The following ABCC9 variants were observed in gnomAD, a reference collection of about 807,000 sequenced individuals.
ABCC9 encodes ATP-binding cassette sub-family C member 9.
ABCC9 carries 95 observed loss-of-function variants against 188.3 expected under a neutral mutation model. The observed-to-expected ratio is 0.50, with a 90% CI of 0.43 to 0.60. The LOEUF is 0.60. Ranked by LOEUF, ABCC9 falls within the 20% of genes least tolerant of loss-of-function variation. ABCC9 has a pLI of 0.00. For synonymous variants in ABCC9, 659 were observed against 652.7 expected (o/e 1.01, Z -0.15); for missense variants, 1,102 against 1,876.3 (o/e 0.59, Z 7.62).
intron 12 of ABCC9, among the ~76,000 whole-genome samples, chr12:21,896,137 G>A (rs1241977316): frequency 7.3e-6 from 1 of 137,328 alleles, no homozygotes; most frequent in African/African-American, 2.7e-5. Context: ...AAGTTTTAGG[G>A]TACATGTGCA....
chr12:21,828,201 T>C (rs1348469470), intron 31 of ABCC9, among the ~76,000 whole-genome samples: 2 of 152,204 alleles, frequency 1.3e-5, no homozygotes, highest in Non-Finnish European at 2.9e-5. Context: ...GACTACAAAC[T>C]ATATTCCTTG....
rs758281526 is a variant in ABCC9 at position 21,913,094 on chromosome 12, C to CA, written c.817-29dup. On this transcript the variant is annotated intron_variant, in intron 7 of 39. Transcript: ENST00000261200. ...GAAGAAAAAAAAAAGAAAAAAAAAA[C>CA]AGATGTAACAAAATAAAACTGCTTA... The CA allele has an allele frequency of 4.6e-6, 7 of 1,531,366 alleles. No individual in the cohort carries two copies. The South Asian group carries it at 8.3e-5, about 18-fold the overall frequency. 94.9% of individuals were successfully genotyped at this position (1,531,366 alleles called of 1,614,324 possible). A position where few individuals can be genotyped will look rare whatever the true frequency, so the allele number is the denominator to read the frequency against.
At chr12:21,853,610 A>G (rs1342682480) in intron 22 of ABCC9, among the ~76,000 whole-genome samples, 1 of 152,174 alleles carries the variant, frequency 6.6e-6, no homozygotes, top group Non-Finnish European at 1.5e-5. Context: ...TGTTGATGAT[A>G]TCACTATAAA....
Position 21,910,870 on chromosome 12 carries a change from A to C in ABCC9, c.1120T>G (p.Tyr374Asp). The change falls in exon 9 of 40, where the codon TAT becomes GAT. Residue 374 changes from tyrosine (Y) to aspartate (D), a missense_variant. Tyr to Asp is a radical substitution (Grantham distance 160). Around this residue, in one of 12 missense-constraint regions of ABCC9, gnomAD observed 305 missense variants for 573.0 expected, o/e 0.53. Transcript: ENST00000261200. ...LQRTFLQASY[Y>D]VTIETGINLR... ...TTAATGCCAGTCTCTATGGTTACATAGTAGGAAGCCTGCAAAAATGTCCTT... is the reference window on the plus strand; with the variant it reads ...TTAATGCCAGTCTCTATGGTTACATCGTAGGAAGCCTGCAAAAATGTCCTT... 1 of 1,612,566 alleles carries C rather than the reference A, an allele frequency of 6.2e-7. No individual in the cohort carries two copies. The highest frequency in any genetic ancestry group is 1.1e-5 in the South Asian group (1 of 91,058).
intron 30 of ABCC9, among the ~76,000 whole-genome samples, chr12:21,836,342 A>G (rs1002203862): frequency 3.9e-5 from 6 of 152,152 alleles, no homozygotes; most frequent in Admixed American, 2.0e-4. Flanking sequence ...GGCCTCTACT[A>G]TGGTTTCAAG....
intron 30 of ABCC9, among the ~76,000 whole-genome samples, chr12:21,834,418 G>A (rs1285214891): frequency 6.6e-6 from 1 of 152,098 alleles, no homozygotes; most frequent in Non-Finnish European, 1.5e-5. Context: ...GTTGCCTAGG[G>A]TAATATGCAT....
chr12:21,833,775 G>T (rs1297695861), intron 30 of ABCC9, among the ~76,000 whole-genome samples: 3 of 152,100 alleles, frequency 2.0e-5, no homozygotes, highest in Non-Finnish European at 4.4e-5. Flanking sequence ...AGCTGAAGTG[G>T]TCTTCACACT....
intron 17 of ABCC9, 58 bp from the exon 18 acceptor site, chr12:21,872,788 A>C: frequency 7.9e-7 from 1 of 1,269,242 alleles, no homozygotes. Context: ...GTGAAATAAC[A>C]TCAAAACACA....
intron 31 of ABCC9, chr12:21,828,613 A>G (rs1311328142): frequency 3.0e-6 from 1 of 337,798 alleles, no homozygotes; most frequent in African/African-American, 2.1e-5. Flanking sequence ...GGCAGGACCA[A>G]CTCAGTGAAG....
At chr12:21,849,634 C>A (rs704182) in intron 24 of ABCC9, among the ~76,000 whole-genome samples, 14 of 151,992 alleles carry the variant, frequency 9.2e-5, no homozygotes, top group African/African-American at 2.7e-4. Context: ...CCCAAACAAA[C>A]TTTAAAGCAA....
chr12:21,931,977 G>C (rs1949308290), intron 4 of ABCC9, among the ~76,000 whole-genome samples: 1 of 152,020 alleles, frequency 6.6e-6, no homozygotes, highest in Non-Finnish European at 1.5e-5. Context: ...ATGCTTAGAA[G>C]TTTCATTCCT....
In ABCC9 at chr12:21,933,774, T is replaced by A; in HGVS notation, c.284+8A>T. ...CTGCAGTGGTATTATTTAACTTAGA[T>A]CACTTACGAGTCTGAAACAATGCCT... On this transcript the variant is annotated splice_region_variant and intron_variant, in intron 4 of 39. Coordinates refer to ENST00000261200, the MANE Select transcript of ABCC9 (RefSeq NM_020297.4). 1 of 1,613,352 alleles carries A rather than the reference T, an allele frequency of 6.2e-7. No homozygotes were observed. Among genetic ancestry groups the A allele is most frequent in the Non-Finnish European group, 8.5e-7 (1 of 1,179,462 alleles).
At position 21,910,156 on chromosome 12, in the gene ABCC9, C is replaced by T. The variant is rs139620148; in HGVS notation, c.1320+1G>A. On this transcript the variant is annotated splice_donor_variant, in intron 10 of 39. Coordinates refer to ENST00000261200, the MANE Select transcript of ABCC9 (RefSeq NM_020297.4). LOFTEE classifies it high-confidence loss of function. Reference sequence around the variant, plus strand: ...AATCTTACTTATATTTATCTACCTACCTGAACAGGCATAGCCCATAGATTG... The same window carrying T: ...AATCTTACTTATATTTATCTACCTATCTGAACAGGCATAGCCCATAGATTG... 6.3e-5 allele frequency: 102 copies of T among 1,608,748 alleles called. No individual in the cohort carries two copies. Among genetic ancestry groups the T allele is most frequent in the Non-Finnish European group, 5.0e-5 (59 of 1,176,082 alleles).
At chr12:21,937,475 G>A (rs1053707111) in intron 2 of ABCC9, among the ~76,000 whole-genome samples, 2 of 152,076 alleles carry the variant, frequency 1.3e-5, no homozygotes, top group African/African-American at 2.4e-5. Context: ...TCAGGATTGC[G>A]GCTTCTACTC....
At chr12:21,919,888 G>T (rs919668050) in intron 5 of ABCC9, among the ~76,000 whole-genome samples, 1 of 151,930 alleles carries the variant, frequency 6.6e-6, no homozygotes, top group African/African-American at 2.4e-5. Context: ...GTGATATCAA[G>T]CATGCATAAT....
At chr12:21,874,255 G>T (rs138215520) in intron 17 of ABCC9, among the ~76,000 whole-genome samples, 27 of 152,092 alleles carry the variant, frequency 1.8e-4, no homozygotes, top group Non-Finnish European at 2.8e-4. Flanking sequence ...ATATAAAATG[G>T]CATTCAACAA....
At chr12:21,862,856 C>T in intron 20 of ABCC9, 97 bp downstream of exon 20, 1 of 800,284 alleles carries the variant, frequency 1.2e-6, no homozygotes, top group Admixed American at 2.1e-5. Context: ...AAAGAAAATA[C>T]CAGATGTAAA....
chr12:21,800,193 C>T lies in ABCC9; in HGVS notation c.*851G>A, dbSNP rs184578911. The T allele has an allele frequency of 6.6e-6, 1 of 152,150 alleles. No homozygotes were observed. Among genetic ancestry groups the T allele is most frequent in the African/African-American group, 2.4e-5 (1 of 41,432 alleles). The allele number at this position is 152,150 out of a possible 1,614,324, so 9.4% of individuals were successfully genotyped here. On this transcript the variant is annotated 3_prime_UTR_variant, in exon 40 of 40. Transcript: ENST00000261200. The stretch of plus-strand genomic sequence containing the variant: ...CATTATTAGCAGTGCCAAATGAAGT[C>T]ACTTGCCTGTGTAAATCTTGAGTAA...
intron 4 of ABCC9, among the ~76,000 whole-genome samples, chr12:21,933,540 T>C (rs1409446192): frequency 2.0e-5 from 3 of 152,118 alleles, no homozygotes; most frequent in Non-Finnish European, 2.9e-5. Flanking sequence ...AAATAATTAA[T>C]ATATTAACAT....
Sources: gnomAD v4.1 joint callset for allele counts (sites outside exome capture counted in the v4.1 genomes callset) on GRCh38, gnomAD v4.1.1 for gene constraint, gnomAD v4.1.1 regional missense constraint, MANE v1.5 for transcripts, NCBI Gene and HGNC (gene_info 2026-07-23, HGNC 2026-07-21) for gene names.